Variants in DCAF8L2 observed in about 807,000 individuals in gnomAD.
DCAF8L2 encodes the protein DDB1- and CUL4-associated factor 8-like protein 2.
For missense variants in DCAF8L2, 430 were observed against 490.7 expected (o/e 0.88, Z 1.17); for synonymous variants, 200 against 190.9 (o/e 1.05, Z -0.39).
At chrX:27,568,289 G>GT in the DCAF8L2 span, among the ~76,000 whole-genome samples, 2 of 110,962 alleles carry the variant, frequency 1.8e-5, no homozygotes, top group South Asian at 3.8e-4. Context: ...TTGGAGACAG[G>GT]TTTTTTTTCT....
intron 1 of DCAF8L2, among the ~76,000 whole-genome samples, chrX:27,631,531 A>C (rs1928291460): frequency 8.9e-6 from 1 of 112,457 alleles, no homozygotes; most frequent in South Asian, 3.7e-4. Flanking sequence ...GCGGAACTAA[A>C]TTTTTATTTT....
At chrX:27,608,356 T>G (rs1486325310) in intron 1 of DCAF8L2, among the ~76,000 whole-genome samples, 1 of 111,810 alleles carries the variant, frequency 8.9e-6, no homozygotes, top group Non-Finnish European at 1.9e-5. Flanking sequence ...CTTTACATAC[T>G]GATCATGTAG....
At chrX:27,743,405 G>C (rs966823633) in intron 4 of DCAF8L2, among the ~76,000 whole-genome samples, 1 of 109,590 alleles carries the variant, frequency 9.1e-6, no homozygotes, top group South Asian at 3.9e-4. Context: ...TATTTTATTT[G>C]TTTGTTCTTT....
chrX:27,502,338 ATATATATATATATATATATAT>A, the DCAF8L2 span, among the ~76,000 whole-genome samples: 5 of 27,560 alleles, frequency 1.8e-4, no homozygotes, highest in South Asian at 2.0e-3. Context: ...AAAAAAAAAT[ATATATATATATATATATATAT>A]ATATATATAT....
the DCAF8L2 span, among the ~76,000 whole-genome samples, chrX:27,479,389 T>C: frequency 3.7e-4 from 41 of 111,426 alleles, no homozygotes; most frequent in African/African-American, 1.2e-3. Flanking sequence ...TGCACCCGGA[T>C]TCCTGATCCA....
chrX:27,681,938 G>A (rs901195560), intron 3 of DCAF8L2, among the ~76,000 whole-genome samples: 7 of 111,296 alleles, frequency 6.3e-5, no homozygotes, highest in Non-Finnish European at 1.1e-4. Flanking sequence ...AAAATAAAAC[G>A]GAGTCGCGTT....
chrX:27,704,183 C>T lies in DCAF8L2; in HGVS notation c.-142-11905C>T, dbSNP rs754177330. On this transcript the variant is annotated intron_variant, in intron 3 of 4. Coordinates refer to ENST00000451261, the MANE Select transcript of DCAF8L2 (RefSeq NM_001353450.2). ...ATATATATATATATATACATATACA[C>T]ACACACATATGTATATACACATGTA... Among the ~76,000 whole-genome samples, 42 of 74,403 alleles carry T rather than the reference C, an allele frequency of 5.6e-4. No individual in the cohort carries two copies. In the South Asian group the frequency reaches 0.011, roughly 20 times the overall value. 64.6% of individuals were successfully genotyped at this position (74,403 alleles called of 115,157 possible). A position where few individuals can be genotyped will look rare whatever the true frequency, so the allele number is the denominator to read the frequency against.
the DCAF8L2 span, among the ~76,000 whole-genome samples, chrX:27,559,573 T>A: frequency 8.9e-6 from 1 of 111,771 alleles, no homozygotes; most frequent in South Asian, 3.8e-4. Context: ...GCAATGACAG[T>A]CTTGATCTGT....
intron 3 of DCAF8L2, among the ~76,000 whole-genome samples, chrX:27,685,747 T>G (rs1930481453): frequency 9.0e-6 from 1 of 111,366 alleles, no homozygotes; most frequent in African/African-American, 3.3e-5. Flanking sequence ...TACAGCAAGC[T>G]AAAAACCTTC....
chrX:27,565,086 T>A, the DCAF8L2 span, among the ~76,000 whole-genome samples: 7 of 110,367 alleles, frequency 6.3e-5, no homozygotes, highest in Admixed American at 4.8e-4. Context: ...TTCCATTAGT[T>A]CTGTCCCTCT....
the DCAF8L2 span, among the ~76,000 whole-genome samples, chrX:27,527,893 C>T: frequency 9.2e-6 from 1 of 108,725 alleles, no homozygotes; most frequent in Non-Finnish European, 1.9e-5. Flanking sequence ...CTCAGGTGGT[C>T]AGCCCATCTT....
chrX:27,480,609 C>G, the DCAF8L2 span, among the ~76,000 whole-genome samples: 1 of 111,700 alleles, frequency 9.0e-6, no homozygotes, highest in African/African-American at 3.3e-5. Context: ...TCAGATATCC[C>G]TTTGGTGGCC....
chrX:27,562,345 A>G, the DCAF8L2 span, among the ~76,000 whole-genome samples: 2 of 112,390 alleles, frequency 1.8e-5, no homozygotes, highest in Admixed American at 1.9e-4. Context: ...GAAAGTTTTA[A>G]CAATTTAACA....
At chrX:27,644,185 T>C (rs973147789) in intron 2 of DCAF8L2, among the ~76,000 whole-genome samples, 3 of 112,407 alleles carry the variant, frequency 2.7e-5, no homozygotes, top group African/African-American at 9.7e-5. Flanking sequence ...AAATATTGTA[T>C]GTTCATGTAT....
chrX:27,539,944 T>C, the DCAF8L2 span, among the ~76,000 whole-genome samples: 5 of 110,679 alleles, frequency 4.5e-5, no homozygotes, highest in Admixed American at 9.7e-5. Flanking sequence ...TGGTCATTTG[T>C]CAGTGTCCTT....
chrX:27,509,129 A>G, the DCAF8L2 span, among the ~76,000 whole-genome samples: 2 of 111,688 alleles, frequency 1.8e-5, no homozygotes, highest in African/African-American at 6.5e-5. Context: ...TAGATACAAC[A>G]TTCTGTCACT....
the DCAF8L2 span, among the ~76,000 whole-genome samples, chrX:27,553,977 A>G: frequency 1.1e-4 from 12 of 110,457 alleles, no homozygotes; most frequent in Middle Eastern, 4.2e-3. Flanking sequence ...AAGGGTTTCA[A>G]GGGAAATAGT....
At chrX:27,553,277 G>A in the DCAF8L2 span, among the ~76,000 whole-genome samples, 321 of 111,312 alleles carry the variant, frequency 2.9e-3, 3 homozygotes, top group African/African-American at 1.0e-2. Context: ...TTTTGGTTTA[G>A]AGTTCAGTTC....
chrX:27,613,730 T>C (rs1483619622), intron 1 of DCAF8L2, among the ~76,000 whole-genome samples: 3 of 111,303 alleles, frequency 2.7e-5, no homozygotes, highest in Non-Finnish European at 5.7e-5. Context: ...TTGTCTTTGG[T>C]TCTGTTTATG....
Sources: allele counts gnomAD v4.1 joint callset (sites outside exome capture counted in the v4.1 genomes callset), GRCh38; gene constraint gnomAD v4.1.1; transcripts MANE v1.5; gene names NCBI Gene and HGNC (gene_info 2026-07-23, HGNC 2026-07-21).